Variants in LARP1B observed in about 807,000 individuals in gnomAD.
LARP1B encodes La ribonucleoprotein 1B, also known as la-related protein 1B.
Under a neutral mutation model 114.2 loss-of-function variants are expected in LARP1B, and 76 were observed. The observed-to-expected ratio is 0.67, with a 90% CI of 0.55 to 0.81. LARP1B has a LOEUF of 0.81. Ranked by LOEUF, LARP1B falls within the 30% of genes least tolerant of loss-of-function variation. LARP1B has a pLI of 0.00. For missense variants in LARP1B, 1,014 were observed against 1,075.8 expected, an observed-to-expected ratio of 0.94 and a Z score of 0.80; for synonymous variants, 345 against 348.0, an observed-to-expected ratio of 0.99 and a Z score of 0.10.
Position 128,082,223 on chromosome 4 carries a change from A to G in LARP1B, c.276A>G (p.Glu92=). The G allele has an allele frequency of 6.2e-7, 1 of 1,613,164 alleles. No individual in the cohort carries two copies. Among genetic ancestry groups the G allele is most frequent in the Non-Finnish European group, 8.5e-7 (1 of 1,179,876 alleles). ...HLDVVRSESQ[E]RPGSRNSSRC... ...ATGTTGTAAGATCAGAGAGTCAAGA[A>G]AGACCTGGATCCCGGAACAGCTCAA... Residue 92 remains glutamate (E), a synonymous_variant, in exon 5 of 20, where the codon GAA becomes GAG. Transcript: ENST00000326639.
chr4:128,204,044 G>A (rs767503852), intron 17 of LARP1B, among the ~76,000 whole-genome samples: 23 of 152,140 alleles, frequency 1.5e-4, no homozygotes, highest in Non-Finnish European at 2.9e-4. Flanking sequence ...TGTTATTAAT[G>A]TCATACTTTT....
At chr4:128,106,776 T>C (rs1361968334) in intron 8 of LARP1B, among the ~76,000 whole-genome samples, 1 of 152,162 alleles carries the variant, frequency 6.6e-6, no homozygotes, top group Non-Finnish European at 1.5e-5. Context: ...TGGTAATTAT[T>C]ACAATAATAA....
chr4:128,207,110 GTTAAT>G (rs1342812342), intron 18 of LARP1B, 141 bp from the exon 19 acceptor site: 1 of 432,930 alleles, frequency 2.3e-6, no homozygotes, highest in African/African-American at 2.0e-5. Flanking sequence ...GCCATTATTG[GTTAAT>G]TCATTACATG....
rs994588011 is a variant in LARP1B at position 128,211,657 on chromosome 4, T to C, written c.*1604T>C. 6.1e-6 allele frequency: 6 copies of C among 984,988 alleles called. No homozygotes were observed. Among genetic ancestry groups the C allele is most frequent in the Admixed American group, 6.2e-5 (1 of 16,260 alleles). 61.0% of individuals were successfully genotyped at this position (984,988 alleles called of 1,614,324 possible). A position where few individuals can be genotyped will look rare whatever the true frequency, so the allele number is the denominator to read the frequency against. On this transcript the variant is annotated 3_prime_UTR_variant, in exon 20 of 20. Transcript: ENST00000326639. ...TAAATGGGGTATGTAGTTCCAGCTTTTCAGTGAGAAATTTCCAAACCGTGC... is the reference window on the plus strand; with the variant it reads ...TAAATGGGGTATGTAGTTCCAGCTTCTCAGTGAGAAATTTCCAAACCGTGC...
intron 18 of LARP1B, 55 bp downstream of exon 18, chr4:128,206,592 T>C: frequency 6.4e-7 from 1 of 1,551,220 alleles, no homozygotes; most frequent in East Asian, 2.3e-5. Flanking sequence ...AACCTGAGTC[T>C]GTCAGTAAAT....
chr4:128,146,451 A>T lies in LARP1B; in HGVS notation c.1525-15743A>T, dbSNP rs10025430. On this transcript the variant is annotated intron_variant, in intron 11 of 19. Coordinates refer to ENST00000326639, the MANE Select transcript of LARP1B (RefSeq NM_018078.4). Reference sequence around the variant, plus strand: ...TGTTAGAAAAATTCCAAAGTAAAGAAGTTTTAAAAGTTTGGTGGATGTTAG... The same window carrying T: ...TGTTAGAAAAATTCCAAAGTAAAGATGTTTTAAAAGTTTGGTGGATGTTAG... Among the ~76,000 whole-genome samples the T allele has an allele frequency of 2.6e-5, 4 of 152,116 alleles. No individual in the cohort carries two copies. The East Asian group carries it at 7.7e-4, about 29-fold the overall frequency.
chr4:128,151,710 C>T (rs1175684811), intron 11 of LARP1B, among the ~76,000 whole-genome samples: 1 of 151,986 alleles, frequency 6.6e-6, no homozygotes, highest in African/African-American at 2.4e-5. Context: ...TCAAGTGATT[C>T]TCCTGCCTCA....
intron 6 of LARP1B, among the ~76,000 whole-genome samples, chr4:128,219,100 A>G (rs1290159475): frequency 1.3e-5 from 2 of 151,074 alleles, no homozygotes; most frequent in South Asian, 2.1e-4. Flanking sequence ...ATGAGATATC[A>G]TCTCACAGCA....
chr4:128,206,019 A>C (rs1364314886), intron 17 of LARP1B, among the ~76,000 whole-genome samples: 1 of 152,174 alleles, frequency 6.6e-6, no homozygotes, highest in African/African-American at 2.4e-5. Flanking sequence ...GGCCGGGCGC[A>C]GTGACTCACA....
chr4:128,081,016 C>T (rs200353153), intron 4 of LARP1B, among the ~76,000 whole-genome samples: 5 of 150,242 alleles, frequency 3.3e-5, no homozygotes, highest in Admixed American at 6.7e-5. Context: ...TTAAATTAAA[C>T]AGATTTTTTT....
At chr4:128,158,396 G>C (rs1736838313) in intron 11 of LARP1B, among the ~76,000 whole-genome samples, 1 of 152,180 alleles carries the variant, frequency 6.6e-6, no homozygotes, top group South Asian at 2.1e-4. Flanking sequence ...TAATATTTCA[G>C]TGGGGAAGAT....
Position 128,210,492 on chromosome 4 carries a change from C to T in LARP1B, c.*439C>T. ...GAGCTTTCTTAAAGAATCCACAATC[C>T]AATTACCCCACTGTCAATTCATATT... On this transcript the variant is annotated 3_prime_UTR_variant, in exon 20 of 20. Transcript: ENST00000326639. The T allele has an allele frequency of 1.0e-6, 1 of 988,572 alleles. No homozygotes were observed. Among genetic ancestry groups the T allele is most frequent in the Non-Finnish European group, 1.2e-6 (1 of 830,950 alleles). 61.2% of individuals were successfully genotyped at this position (988,572 alleles called of 1,614,324 possible).
intron 1 of LARP1B, among the ~76,000 whole-genome samples, chr4:128,066,626 C>T (rs1256031507): frequency 2.0e-5 from 3 of 151,740 alleles, no homozygotes; most frequent in Non-Finnish European, 1.5e-5. Flanking sequence ...AACAGGCAAG[C>T]GGCACCATGC....
At chr4:128,080,018 CTTGTTGCCACGCTGGAGTGCAA>C (rs1330352902) in intron 4 of LARP1B, among the ~76,000 whole-genome samples, 28 of 147,458 alleles carry the variant, frequency 1.9e-4, no homozygotes, top group African/African-American at 6.3e-4. Context: ...GAGTTTCGCT[CTTGTTGCCACGCTGGAGTGCAA>C]TGGCGCGATC....
intron 5 of LARP1B, among the ~76,000 whole-genome samples, chr4:128,087,854 A>T (rs1021305424): frequency 1.4e-5 from 2 of 147,784 alleles, no homozygotes; most frequent in Admixed American, 1.3e-4. Context: ...GGGGGGGAGC[A>T]TATATATATA....
chr4:128,107,073 T>C, intron 8 of LARP1B, 66 bp from the exon 9 acceptor site: 1 of 1,353,894 alleles, frequency 7.4e-7, no homozygotes, highest in South Asian at 1.4e-5. Flanking sequence ...AATTTTTAGG[T>C]TCTTAGAAGT....
intron 11 of LARP1B, among the ~76,000 whole-genome samples, chr4:128,125,115 T>C (rs17012942): frequency 0.027 from 4,070 of 152,286 alleles, 170 homozygotes; most frequent in African/African-American, 0.093. Flanking sequence ...TTTGAAGATA[T>C]GCTAGGTAAG....
chr4:128,213,443 AC>A (rs1386969376), downstream of LARP1B, among the ~76,000 whole-genome samples: 1 of 152,060 alleles, frequency 6.6e-6, no homozygotes, highest in Non-Finnish European at 1.5e-5. Flanking sequence ...AAGAATATTA[AC>A]CCTTTGCTTT....
At chr4:128,137,719 A>AAT (rs1007021021) in intron 11 of LARP1B, among the ~76,000 whole-genome samples, 4 of 150,750 alleles carry the variant, frequency 2.7e-5, no homozygotes, top group Admixed American at 6.6e-5. Context: ...TTGAATGGGG[A>AAT]ATATATATAT....
Sources: allele counts gnomAD v4.1 joint callset (sites outside exome capture counted in the v4.1 genomes callset), GRCh38; gene constraint gnomAD v4.1.1; transcripts MANE v1.5; gene names NCBI Gene and HGNC (gene_info 2026-07-23, HGNC 2026-07-21).